TCF4: variants seen among roughly 807,000 people sequenced by gnomAD.
TCF4 encodes the protein SL3-3 enhancer factor 2.
TCF4 carries 3 observed loss-of-function variants against 82.1 expected under a neutral mutation model. The observed-to-expected ratio is 0.04, with a 90% CI of 0.02 to 0.09. TCF4 has a LOEUF of 0.09. Among genes scored for constraint, TCF4 ranks in the 10% least tolerant of loss-of-function variants. The pLI, the probability that TCF4 is intolerant of heterozygous loss-of-function variation, is 1.00. For missense variants in TCF4, 518 were observed against 852.7 expected (o/e 0.61, Z 4.89); for synonymous variants, 276 against 309.6 (o/e 0.89, Z 1.14).
At position 55,261,454 on chromosome 18, in the gene TCF4, A is replaced by G. The variant is rs144346949; in HGVS notation, c.990+12T>C. Reference sequence around the variant, plus strand: ...ATGGTACATATGGAGTCCAAAGTCAATATTTCCTCACCGAAGCAAGTGCTT... The same window carrying G: ...ATGGTACATATGGAGTCCAAAGTCAGTATTTCCTCACCGAAGCAAGTGCTT... On this transcript the variant is annotated intron_variant, in intron 12 of 19. Coordinates refer to ENST00000354452, the MANE Select transcript of TCF4 (RefSeq NM_001083962.2). 161 of 1,613,858 alleles carry G rather than the reference A, an allele frequency of 1.0e-4. 1 individual carries two copies. Among genetic ancestry groups the G allele is most frequent in the African/African-American group, 9.1e-4 (68 of 75,030 alleles).
chr18:55,482,337 T>C (rs112625117), intron 3 of TCF4: 1 of 152,172 alleles, frequency 6.6e-6, no homozygotes, highest in Non-Finnish European at 1.5e-5. Flanking sequence ...AAAAATACCA[T>C]GCATGGATTT....
At chr18:55,565,827 T>A (rs1177786376) in intron 3 of TCF4, among the ~76,000 whole-genome samples, 1 of 150,010 alleles carries the variant, frequency 6.7e-6, no homozygotes, top group Non-Finnish European at 1.5e-5. Flanking sequence ...AAACTGGAGG[T>A]CACTATCTTA....
intron 6 of TCF4, among the ~76,000 whole-genome samples, chr18:55,378,507 A>G (rs1354028923): frequency 6.6e-6 from 1 of 152,206 alleles, no homozygotes; most frequent in African/African-American, 2.4e-5. Flanking sequence ...AGGTGCTGAT[A>G]TTAATGTCAA....
chr18:55,260,916 C>T (rs556935824), intron 12 of TCF4, among the ~76,000 whole-genome samples: 1 of 152,216 alleles, frequency 6.6e-6, no homozygotes, highest in Non-Finnish European at 1.5e-5. Flanking sequence ...ACCAGATATA[C>T]TCTCTGAGAC....
At chr18:55,239,984 C>T (rs2050721830) in intron 15 of TCF4, among the ~76,000 whole-genome samples, 1 of 152,142 alleles carries the variant, frequency 6.6e-6, no homozygotes, top group Non-Finnish European at 1.5e-5. Context: ...ATGTTATCTC[C>T]AGAGATAACT....
intron 3 of TCF4, chr18:55,496,467 C>T (rs2096637540): frequency 6.6e-6 from 1 of 150,880 alleles, no homozygotes; most frequent in Non-Finnish European, 1.5e-5. Flanking sequence ...CACAAATAGG[C>T]ATACAGCATA....
chr18:55,397,621 T>G (rs529632072), intron 6 of TCF4, among the ~76,000 whole-genome samples: 133 of 152,310 alleles, frequency 8.7e-4, no homozygotes, highest in Non-Finnish European at 1.7e-3. Context: ...CACGCGTAAA[T>G]GGCATTTTAG....
At chr18:55,249,729 C>G (rs1042071120) in intron 15 of TCF4, among the ~76,000 whole-genome samples, 2 of 152,172 alleles carry the variant, frequency 1.3e-5, no homozygotes, top group Non-Finnish European at 2.9e-5. Flanking sequence ...GATCTGAGAG[C>G]TACACTAATG....
chr18:55,446,704 G>A (rs1482292764), intron 5 of TCF4, among the ~76,000 whole-genome samples: 1 of 152,138 alleles, frequency 6.6e-6, no homozygotes, highest in Non-Finnish European at 1.5e-5. Context: ...TCTTAGCCAG[G>A]CCAGGCGCGG....
At chr18:55,469,667 A>G (rs564231335) in intron 3 of TCF4, 3 of 152,320 alleles carry the variant, frequency 2.0e-5, no homozygotes, top group African/African-American at 7.2e-5. Flanking sequence ...GATCAAAACT[A>G]TCAGACAGAC....
intron 8 of TCF4, among the ~76,000 whole-genome samples, chr18:55,288,208 C>T (rs1050634499): frequency 6.6e-6 from 1 of 152,092 alleles, no homozygotes. Context: ...CTACTGAATT[C>T]CCGCAGCCAT....
intron 6 of TCF4, among the ~76,000 whole-genome samples, chr18:55,400,509 T>G (rs2093753759): frequency 6.6e-6 from 1 of 152,184 alleles, no homozygotes; most frequent in African/African-American, 2.4e-5. Flanking sequence ...TCTGATAACT[T>G]CAGGTGGAAA....
At chr18:55,280,101 G>T (rs755887486) in intron 8 of TCF4, among the ~76,000 whole-genome samples, 4 of 152,130 alleles carry the variant, frequency 2.6e-5, no homozygotes, top group Non-Finnish European at 4.4e-5. Flanking sequence ...TTACAGAGAG[G>T]AGGTAGGGAG....
chr18:55,520,672 G>C (rs936835432), intron 3 of TCF4, among the ~76,000 whole-genome samples: 1 of 152,088 alleles, frequency 6.6e-6, no homozygotes, highest in Non-Finnish European at 1.5e-5. Flanking sequence ...CGGAACACAC[G>C]GCTTTATTTA....
chr18:55,431,228 C>T (rs2095180427), intron 5 of TCF4, among the ~76,000 whole-genome samples: 1 of 152,174 alleles, frequency 6.6e-6, no homozygotes, highest in South Asian at 2.1e-4. Flanking sequence ...AGAAACCTGA[C>T]ATCTCATCTA....
At chr18:55,505,592 C>A (rs1277646628) in intron 3 of TCF4, among the ~76,000 whole-genome samples, 2 of 151,774 alleles carry the variant, frequency 1.3e-5, no homozygotes, top group African/African-American at 4.8e-5. Flanking sequence ...ATCACGAGGT[C>A]AGGAGATCGA....
chr18:55,495,335 T>A (rs1309147152), intron 3 of TCF4, among the ~76,000 whole-genome samples: 1 of 151,870 alleles, frequency 6.6e-6, no homozygotes, highest in Admixed American at 6.6e-5. Flanking sequence ...AGAAGGTATT[T>A]GAGATACAAA....
chr18:55,553,191 A>G (rs941588295), intron 3 of TCF4: 2 of 152,230 alleles, frequency 1.3e-5, no homozygotes, highest in South Asian at 2.1e-4. Flanking sequence ...CTGAGGAAAA[A>G]TATATCATAT....
intron 3 of TCF4, among the ~76,000 whole-genome samples, chr18:55,498,391 C>T (rs963616788): frequency 6.6e-6 from 1 of 152,162 alleles, no homozygotes; most frequent in African/African-American, 2.4e-5. Context: ...GGGTTTCTGC[C>T]ATACCAGAGT....
Sources: allele counts gnomAD v4.1 joint callset (sites outside exome capture counted in the v4.1 genomes callset), GRCh38; gene constraint gnomAD v4.1.1; transcripts MANE v1.5; gene names NCBI Gene and HGNC (gene_info 2026-07-23, HGNC 2026-07-21).